The following CTNNA2 variants were observed in gnomAD, a reference collection of about 807,000 sequenced individuals.
The protein encoded by CTNNA2 is catenin alpha-2.
CTNNA2 carries 42 observed loss-of-function variants against 101.0 expected under a neutral mutation model. The observed-to-expected ratio is 0.42, with a 90% CI of 0.32 to 0.54. The LOEUF (loss-of-function observed/expected upper bound fraction) is 0.54, where lower values mean the gene tolerates loss of function less well. Among genes scored for constraint, CTNNA2 ranks in the 20% least tolerant of loss-of-function variants. The pLI is 0.14. For synonymous variants in CTNNA2, 450 were observed against 456.4 expected, an observed-to-expected ratio of 0.99 and a Z score of 0.18; for missense variants, 871 against 1,223.1, an observed-to-expected ratio of 0.71 and a Z score of 4.29.
intron 18 of CTNNA2, among the ~76,000 whole-genome samples, chr2:80,625,662 A>G (rs78132890): frequency 0.011 from 1,679 of 152,144 alleles, 22 homozygotes; most frequent in African/African-American, 0.037. Flanking sequence ...CACATAATCT[A>G]TGCTTAACAC....
At chr2:79,437,621 T>C (rs966653458) in intron 4 of CTNNA2, among the ~76,000 whole-genome samples, 1 of 152,230 alleles carries the variant, frequency 6.6e-6, no homozygotes, top group Non-Finnish European at 1.5e-5. Context: ...CAGGTTTGAG[T>C]ACCTCTGCTC....
chr2:79,918,638 T>C (rs1338761482), intron 7 of CTNNA2, among the ~76,000 whole-genome samples: 1 of 152,222 alleles, frequency 6.6e-6, no homozygotes, highest in Non-Finnish European at 1.5e-5. Flanking sequence ...GGCCAGAAGC[T>C]AGATTCCAGC....
intron 7 of CTNNA2, among the ~76,000 whole-genome samples, chr2:79,982,258 A>G (rs1691370537): frequency 1.2e-5 from 1 of 85,790 alleles, no homozygotes; most frequent in Non-Finnish European, 2.6e-5. Context: ...ATATGTACAC[A>G]CACACATAAC....
At chr2:80,345,672 T>A (rs1188001360) in intron 7 of CTNNA2, among the ~76,000 whole-genome samples, 1 of 152,076 alleles carries the variant, frequency 6.6e-6, no homozygotes, top group East Asian at 1.9e-4. Context: ...AAAAAAAAAT[T>A]GAATGAATGA....
intron 6 of CTNNA2, among the ~76,000 whole-genome samples, chr2:79,881,813 C>T (rs2916507): frequency 6.7e-6 from 1 of 149,318 alleles, no homozygotes; most frequent in Non-Finnish European, 1.5e-5. Context: ...TAAATTTAAA[C>T]TTAGTATTGT....
chr2:79,538,164 T>A (rs776972481), intron 1 of CTNNA2, among the ~76,000 whole-genome samples: 6 of 152,100 alleles, frequency 3.9e-5, no homozygotes, highest in African/African-American at 9.7e-5. Context: ...TCAAACTCTA[T>A]AACCTATTAA....
chr2:79,786,448 G>T (rs4350772), intron 3 of CTNNA2, among the ~76,000 whole-genome samples: 1 of 151,744 alleles, frequency 6.6e-6, no homozygotes, highest in Non-Finnish European at 1.5e-5. Context: ...TGAAACACAC[G>T]TCTTATTTTT....
At chr2:80,401,347 T>C (rs1678530866) in intron 8 of CTNNA2, among the ~76,000 whole-genome samples, 1 of 152,168 alleles carries the variant, frequency 6.6e-6, no homozygotes, top group South Asian at 2.1e-4. Context: ...TCTGGTTCCA[T>C]TGTCTCAAGG....
intron 2 of CTNNA2, among the ~76,000 whole-genome samples, chr2:79,304,356 C>T (rs1676183161): frequency 6.6e-6 from 1 of 152,140 alleles, no homozygotes. Context: ...GTGTATCCAT[C>T]CCAGAACAGT....
At chr2:79,878,198 T>C (rs1482713771) in intron 6 of CTNNA2, among the ~76,000 whole-genome samples, 1 of 152,232 alleles carries the variant, frequency 6.6e-6, no homozygotes, top group Non-Finnish European at 1.5e-5. Context: ...TAGCACATTT[T>C]CTTTATCCAG....
intron 9 of CTNNA2, among the ~76,000 whole-genome samples, chr2:80,444,311 G>T (rs937423447): frequency 1.3e-5 from 2 of 152,164 alleles, no homozygotes; most frequent in African/African-American, 4.8e-5. Context: ...TATGAAAGGA[G>T]ACTACTTCTG....
At chr2:80,527,377 A>G (rs1690135249) in intron 9 of CTNNA2, among the ~76,000 whole-genome samples, 1 of 152,224 alleles carries the variant, frequency 6.6e-6, no homozygotes, top group African/African-American at 2.4e-5. Flanking sequence ...AGAAGGGCTA[A>G]AAACACAGAT....
chr2:79,271,636 G>A (rs925672128), intron 2 of CTNNA2, among the ~76,000 whole-genome samples: 6 of 152,050 alleles, frequency 3.9e-5, no homozygotes, highest in Admixed American at 2.0e-4. Flanking sequence ...CAGATCTCCC[G>A]CTCTGAGCAG....
At chr2:79,579,351 G>A (rs915457774) in intron 1 of CTNNA2, among the ~76,000 whole-genome samples, 1 of 151,064 alleles carries the variant, frequency 6.6e-6, no homozygotes, top group Non-Finnish European at 1.5e-5. Context: ...CCCCCCTGTG[G>A]CCCTAGAATG....
chr2:79,895,972 TG>T lies in CTNNA2; in HGVS notation c.853-13620del, dbSNP rs74404021. On this transcript the variant is annotated intron_variant, in intron 6 of 18. Coordinates refer to ENST00000402739, the MANE Select transcript of CTNNA2 (RefSeq NM_001282597.3). ...AACCACAGGAGGTGGCTGTCTCAGC[TG>T]GTCTCCTGCCCATTGAAAGTAGAAT... Among the ~76,000 whole-genome samples, 13 of 152,254 alleles carry T rather than the reference TG, an allele frequency of 8.5e-5. No homozygotes were observed. The East Asian group carries it at 2.5e-3, about 29-fold the overall frequency.
intron 8 of CTNNA2, among the ~76,000 whole-genome samples, chr2:80,396,402 A>G (rs939309323): frequency 6.6e-6 from 1 of 152,176 alleles, no homozygotes; most frequent in African/African-American, 2.4e-5. Flanking sequence ...TTCTCATTTT[A>G]AAGCTGTGGG....
At chr2:79,470,198 A>G (rs1364600017) in intron 4 of CTNNA2, among the ~76,000 whole-genome samples, 1 of 152,198 alleles carries the variant, frequency 6.6e-6, no homozygotes, top group African/African-American at 2.4e-5. Context: ...GATATCAAGC[A>G]GCAGTAATTT....
intron 1 of CTNNA2, among the ~76,000 whole-genome samples, chr2:79,586,966 A>G (rs1018024052): frequency 3.9e-5 from 6 of 152,162 alleles, no homozygotes; most frequent in Non-Finnish European, 8.8e-5. Context: ...AATGGCCTCC[A>G]ACTCTATCTG....
chr2:79,446,923 A>T (rs1234787177), intron 4 of CTNNA2, among the ~76,000 whole-genome samples: 1 of 152,010 alleles, frequency 6.6e-6, no homozygotes, highest in Non-Finnish European at 1.5e-5. Flanking sequence ...TCCAAATGTG[A>T]TTAGAGAAAA....
Sources: gnomAD v4.1 joint callset for allele counts (sites outside exome capture counted in the v4.1 genomes callset) on GRCh38, gnomAD v4.1.1 for gene constraint, MANE v1.5 for transcripts, NCBI Gene and HGNC (gene_info 2026-07-23, HGNC 2026-07-21) for gene names.